Variants in FOXK2 observed in about 807,000 individuals in gnomAD.
FOXK2 encodes the protein forkhead box K2.
A neutral mutation model predicts 53.3 loss-of-function variants in FOXK2; 24 were observed. The ratio of observed to expected loss-of-function variants is 0.45; its 90% confidence interval spans 0.33 to 0.63. The LOEUF (loss-of-function observed/expected upper bound fraction) is 0.63. Among genes scored for constraint, FOXK2 ranks in the 30% least tolerant of loss-of-function variants. FOXK2 has a pLI of 0.03. For synonymous variants in FOXK2, 505 were observed against 407.1 expected, an observed-to-expected ratio of 1.24 and a Z score of -2.89; for missense variants, 952 against 910.5, an observed-to-expected ratio of 1.05 and a Z score of -0.59.
intron 1 of FOXK2, among the ~76,000 whole-genome samples, chr17:82,520,962 T>C (rs1274413852): frequency 6.6e-6 from 1 of 152,144 alleles, no homozygotes; most frequent in Non-Finnish European, 1.5e-5. Context: ...TGATTAGGAA[T>C]TATTACAAGG....
chr17:82,601,337 C>A lies in FOXK2; in HGVS notation c.1821C>A (p.His607Gln). Residue 607 changes from histidine to glutamine, a missense_variant, in exon 9 of 9, where the codon CAC becomes CAA. Around this residue, in one of 5 missense-constraint regions of FOXK2, gnomAD observed 551 missense variants for 385.1 expected, o/e 1.43. Transcript: ENST00000335255. ...AASPLHMLAT[H>Q]ASASASLPTK... ...GTCCTTTGCACATGTTGGCAACACA[C>A]GCATCCGCATCGGCCTCCCTGCCCA... 1 of 1,613,126 alleles carries A rather than the reference C, an allele frequency of 6.2e-7. No homozygotes were observed. Among genetic ancestry groups the A allele is most frequent in the Non-Finnish European group, 8.5e-7 (1 of 1,179,982 alleles).
chr17:82,545,529 T>C (rs1292313251), intron 1 of FOXK2, among the ~76,000 whole-genome samples: 1 of 152,056 alleles, frequency 6.6e-6, no homozygotes, highest in Non-Finnish European at 1.5e-5. Flanking sequence ...CTATTATGAA[T>C]AATGCTGTTG....
intron 5 of FOXK2, 30 bp downstream of exon 5, chr17:82,582,964 C>CTAG (rs1225202588): frequency 6.7e-7 from 1 of 1,482,776 alleles, no homozygotes; most frequent in Non-Finnish European, 9.0e-7. Context: ...AAAGGCCTCA[C>CTAG]TTCGTGCTTA....
At chr17:82,539,250 A>G (rs12185250) in intron 1 of FOXK2, among the ~76,000 whole-genome samples, 12 of 112,030 alleles carry the variant, frequency 1.1e-4, no homozygotes, top group African/African-American at 1.8e-4. Context: ...GGTGGCTCAG[A>G]CCCCTAATCT....
intron 1 of FOXK2, among the ~76,000 whole-genome samples, chr17:82,533,568 G>A (rs1332587329): frequency 4.6e-5 from 7 of 152,086 alleles, no homozygotes; most frequent in Non-Finnish European, 8.8e-5. Flanking sequence ...TATTGTACGC[G>A]ATCGTATGTG....
chr17:82,593,458 C>G (rs2045277284), intron 8 of FOXK2: 1 of 152,546 alleles, frequency 6.6e-6, no homozygotes, highest in South Asian at 2.1e-4. Flanking sequence ...GAGCCCAGCC[C>G]TGTTCACCGC....
Position 82,522,017 on chromosome 17 carries a change from C to T in FOXK2, c.419+1710C>T, listed in dbSNP as rs79383465. Among the ~76,000 whole-genome samples, 1,228 of 146,932 alleles carry T rather than the reference C, an allele frequency of 8.4e-3. 14 individuals carry two copies. The highest frequency in any genetic ancestry group is 0.011 in the Middle Eastern group (3 of 278). ...GACGGTATGAAATCAATGGTAGGGT[C>T]CTAATGGCTACCCTTTAATCTGACT... On this transcript the variant is annotated intron_variant, in intron 1 of 8. Transcript: ENST00000335255.
At chr17:82,600,272 AG>A (rs2045368670) in intron 8 of FOXK2, 1 of 152,286 alleles carries the variant, frequency 6.6e-6, no homozygotes, top group Non-Finnish European at 1.5e-5. Flanking sequence ...AGAGAAACAG[AG>A]CCAAGGCGGC....
chr17:82,551,075 T>A (rs954510040), intron 1 of FOXK2, among the ~76,000 whole-genome samples: 5 of 151,782 alleles, frequency 3.3e-5, no homozygotes, highest in African/African-American at 1.2e-4. Context: ...CCCAGCACTT[T>A]GGGAGGCCGA....
chr17:82,562,535 G>A (rs1463081387), intron 1 of FOXK2, among the ~76,000 whole-genome samples: 1 of 151,600 alleles, frequency 6.6e-6, no homozygotes. Context: ...AGCAGAGATA[G>A]CACCATTGCA....
At chr17:82,560,212 GTTAGGCAGGATGGTCT>G (rs2144109016) in intron 1 of FOXK2, among the ~76,000 whole-genome samples, 1 of 151,946 alleles carries the variant, frequency 6.6e-6, no homozygotes, top group South Asian at 2.1e-4. Flanking sequence ...GTTTCAGAGT[GTTAGGCAGGATGGTCT>G]CGATCTCCTG....
intron 4 of FOXK2, chr17:82,578,190 AC>A (rs781625089): frequency 2.0e-5 from 3 of 152,262 alleles, no homozygotes; most frequent in African/African-American, 4.8e-5. Context: ...TGCAGAGTGC[AC>A]ACGGGAGCGC....
chr17:82,561,718 T>C (rs2044795747), intron 1 of FOXK2, among the ~76,000 whole-genome samples: 1 of 152,128 alleles, frequency 6.6e-6, no homozygotes, highest in South Asian at 2.1e-4. Flanking sequence ...CGACCCCGGC[T>C]AGAGGGTTGG....
chr17:82,553,405 TGCTTGC>T (rs1383223689), intron 1 of FOXK2, among the ~76,000 whole-genome samples: 3 of 152,244 alleles, frequency 2.0e-5, no homozygotes, highest in Admixed American at 6.5e-5. Context: ...AGCTCTTCTG[TGCTTGC>T]CTCTCAGAGT....
In FOXK2 at chr17:82,582,862, A is replaced by G; in HGVS notation, c.1031A>G (p.Glu344Gly). The G allele has an allele frequency of 1.9e-6, 3 of 1,613,574 alleles. No homozygotes were observed. Among genetic ancestry groups the G allele is most frequent in the Non-Finnish European group, 2.5e-6 (3 of 1,179,922 alleles). ...IDPASESKLI[E>G]QAFRKRRPRG... ...CCAGCCTCTGAAAGCAAATTAATAG[A>G]ACAGGCTTTTAGGAAACGACGGCCT... Residue 344 changes from glutamate to glycine, a missense_variant, in exon 5 of 9, where the codon GAA (glutamate) becomes GGA (glycine). This residue lies in a region of FOXK2 where 160 missense variants were observed against 214.2 expected (regional missense o/e 0.75). Transcript: ENST00000335255.
intron 4 of FOXK2, among the ~76,000 whole-genome samples, chr17:82,573,568 A>T (rs1385557901): frequency 1.9e-4 from 12 of 64,580 alleles, no homozygotes; most frequent in African/African-American, 6.3e-4. Flanking sequence ...TCTCTCACAC[A>T]CACACACACA....
rs1187903758 is a variant in FOXK2, at chr17:82,601,771, G to A, written c.*272G>A. ...CCTACGAGTGAAACTCTGTCCTCCC[G>A]CGAGGACCAGGCATCGCTGTGTGAG... On this transcript the variant is annotated 3_prime_UTR_variant, in exon 9 of 9. Coordinates refer to ENST00000335255, the MANE Select transcript of FOXK2 (RefSeq NM_004514.4). 3 of 359,462 alleles carry A rather than the reference G, an allele frequency of 8.3e-6. No homozygotes were observed. The highest frequency in any genetic ancestry group is 5.4e-5 in the South Asian group (1 of 18,552). 22.3% of individuals were successfully genotyped at this position (359,462 alleles called of 1,614,324 possible).
intron 8 of FOXK2, among the ~76,000 whole-genome samples, chr17:82,597,941 C>T (rs1334444490): frequency 3.3e-5 from 5 of 152,282 alleles, no homozygotes; most frequent in South Asian, 2.1e-4. Flanking sequence ...TGAGCCACCG[C>T]GCCCGGCCTC....
intron 2 of FOXK2, among the ~76,000 whole-genome samples, chr17:82,564,935 G>T (rs1478688887): frequency 6.6e-6 from 1 of 151,846 alleles, no homozygotes; most frequent in African/African-American, 2.4e-5. Flanking sequence ...TCTCCATGTT[G>T]GTCAGGGTGG....
Sources: allele counts gnomAD v4.1 joint callset (sites outside exome capture counted in the v4.1 genomes callset), GRCh38; gene constraint gnomAD v4.1.1; regional missense constraint gnomAD v4.1.1; transcripts MANE v1.5; gene names NCBI Gene and HGNC (gene_info 2026-07-23, HGNC 2026-07-21).